Variants in CCNK observed in about 807,000 individuals in gnomAD.
The protein encoded by CCNK is cyclin-K.
In CCNK, 9 loss-of-function variants were observed where a neutral mutation model predicts 65.0. That is an observed-to-expected ratio of 0.14 (90% CI 0.08 to 0.24). The LOEUF (loss-of-function observed/expected upper bound fraction) is 0.24, where lower values mean the gene tolerates loss of function less well. Ranked by LOEUF, CCNK falls within the 10% of genes least tolerant of loss-of-function variation. CCNK has a pLI of 1.00. For synonymous variants in CCNK, 279 were observed against 270.8 expected (o/e 1.03, Z -0.30); for missense variants, 474 against 720.0 (o/e 0.66, Z 3.91).
Position 99,510,542 on chromosome 14 carries a change from C to T in CCNK, c.1503C>T (p.Pro501=), listed in dbSNP as rs1175142398. The change falls in exon 11 of 11, where the codon CCC becomes CCT. Residue 501 remains proline (P), a synonymous_variant. Transcript: ENST00000389879. ...PASFPPPAIP[P]PTPGYPPPPP... is the part of the protein sequence containing the mutation. Reference sequence around the variant, plus strand: ...CCTTCCCCCCACCTGCCATCCCACCCCCTACTCCTGGCTACCCCCCACCCC... The same window carrying T: ...CCTTCCCCCCACCTGCCATCCCACCTCCTACTCCTGGCTACCCCCCACCCC... 4 of 447,834 alleles carry T rather than the reference C, an allele frequency of 8.9e-6. No homozygotes were observed. The Admixed American group carries it at 9.1e-5, about 10-fold the overall frequency. The allele number at this position is 447,834 out of a possible 1,614,324, so 27.7% of individuals were successfully genotyped here. A position where few individuals can be genotyped will look rare whatever the true frequency, so the allele number is the denominator to read the frequency against.
At chr14:99,503,965 G>A in intron 9 of CCNK, 1 of 362,736 alleles carries the variant, frequency 2.8e-6, no homozygotes, top group Non-Finnish European at 5.2e-6. Flanking sequence ...CCCCATCACA[G>A]CAGCAGGAGT....
chr14:99,511,582 G>A lies in CCNK; in HGVS notation c.*800G>A, dbSNP rs1179589976. 2.6e-5 allele frequency: 4 copies of A among 152,464 alleles called. No individual in the cohort carries two copies. The highest frequency in any genetic ancestry group is 9.7e-5 in the African/African-American group (4 of 41,438). 9.4% of individuals were successfully genotyped at this position (152,464 alleles called of 1,614,324 possible). ...TCGCAGTCTGTGGCTTATAAAATGTGCAGAGGCCCTCCTTCCAGACCCTGG... is the reference window on the plus strand; with the variant it reads ...TCGCAGTCTGTGGCTTATAAAATGTACAGAGGCCCTCCTTCCAGACCCTGG... On this transcript the variant is annotated 3_prime_UTR_variant, in exon 11 of 11. Transcript: ENST00000389879.
chr14:99,505,645 C>G (rs1896955755), intron 9 of CCNK: 1 of 152,162 alleles, frequency 6.6e-6, no homozygotes, highest in Non-Finnish European at 1.5e-5. Context: ...GCTTTGAGCC[C>G]AGGAGTTCCA....
intron 4 of CCNK, among the ~76,000 whole-genome samples, chr14:99,499,715 C>T (rs1896779762): frequency 6.6e-6 from 1 of 152,166 alleles, no homozygotes; most frequent in African/African-American, 2.4e-5. Flanking sequence ...TCAAAGAGGA[C>T]ATTCCATTAA....
At chr14:99,509,295 G>A (rs1404732970) in intron 10 of CCNK, 1 of 152,312 alleles carries the variant, frequency 6.6e-6, no homozygotes, top group Non-Finnish European at 1.5e-5. Flanking sequence ...GGCTACCTGT[G>A]GTGGGGTGTT....
At chr14:99,507,175 A>G (rs780803236) in intron 10 of CCNK, 28 bp downstream of exon 10, 2 of 1,367,860 alleles carry the variant, frequency 1.5e-6, no homozygotes, top group South Asian at 1.2e-5. Flanking sequence ...CAGCTTGGCC[A>G]GCTGTGCACA....
Position 99,481,494 on chromosome 14 carries a change from G to T in CCNK, c.-53+15G>T. On this transcript the variant is annotated intron_variant, in intron 1 of 10. Transcript: ENST00000389879. The stretch of plus-strand genomic sequence containing the variant: ...TGAAGCGAGGGGTGAGTGACCCACC[G>T]ACTGAGGGCAGCGCCGCCCACCTCC... The T allele has an allele frequency of 2.5e-6, 1 of 398,642 alleles. No homozygotes were observed. Among genetic ancestry groups the T allele is most frequent in the South Asian group, 1.3e-4 (1 of 7,822 alleles). 24.7% of individuals were successfully genotyped at this position (398,642 alleles called of 1,614,324 possible).
rs3918125 is a variant in CCNK at position 99,510,881 on chromosome 14, A to T, written c.*99A>T. 3.5e-3 allele frequency: 3,738 copies of T among 1,053,590 alleles called. 106 individuals are homozygous for T. The African/African-American group carries it at 0.055, about 16-fold the overall frequency. The allele number at this position is 1,053,590 out of a possible 1,614,324, so 65.3% of individuals were successfully genotyped here. ...AGCAGCAGGGTACCTTGTATAATGC[A>T]CGACAGTTGCAGTATGGGAAGAATG... is the stretch of plus-strand genomic sequence containing the variant. On this transcript the variant is annotated 3_prime_UTR_variant, in exon 11 of 11. Coordinates refer to ENST00000389879, the MANE Select transcript of CCNK (RefSeq NM_001099402.2).
In CCNK at chr14:99,492,703, G is replaced by C. The variant is rs1475416350; in HGVS notation, c.26G>C (p.Ser9Thr). 6.2e-7 allele frequency: 1 copy of C among 1,607,728 alleles called. No individual in the cohort carries two copies. Among genetic ancestry groups the C allele is most frequent in the Non-Finnish European group, 8.5e-7 (1 of 1,178,292 alleles). MKENKENSSPSVTSANLDH... is the reference protein window; with the variant it reads MKENKENSTPSVTSANLDH... ...ATGAAGGAGAATAAAGAAAATTCAA[G>C]CCCTTCAGTAACTTCAGCAAACCTG... Residue 9 changes from serine to threonine, a missense_variant, in exon 2 of 11, where the codon AGC becomes ACC. Around this residue, in one of 6 missense-constraint regions of CCNK, gnomAD observed 87 missense variants for 166.2 expected, o/e 0.52. Coordinates refer to ENST00000389879, the MANE Select transcript of CCNK (RefSeq NM_001099402.2).
At chr14:99,482,077 G>C (rs536837052) in intron 1 of CCNK, among the ~76,000 whole-genome samples, 3 of 152,308 alleles carry the variant, frequency 2.0e-5, no homozygotes, top group Non-Finnish European at 4.4e-5. Context: ...TAGAAAATTG[G>C]AGCGTAAGTC....
chr14:99,487,428 G>A (rs1171214476), intron 1 of CCNK, among the ~76,000 whole-genome samples: 1 of 152,168 alleles, frequency 6.6e-6, no homozygotes, highest in African/African-American at 2.4e-5. Context: ...CAACCCCCCA[G>A]TTAGGAAAAC....
At position 99,510,770 on chromosome 14, in the gene CCNK, C is replaced by G. The variant is rs760860666; in HGVS notation, c.1731C>G (p.Ala577=). The part of the protein sequence containing the change: ...MPPVGGLGRA[A]WMR ...CAGTTGGGGGGCTGGGGCGGGCAGC[C>G]TGGATGAGATAACGTGAGCCTTTTT... The change falls in exon 11 of 11, where the codon GCC becomes GCG. Residue 577 remains alanine, a synonymous_variant. Transcript: ENST00000389879. 43 of 1,457,318 alleles carry G rather than the reference C, an allele frequency of 3.0e-5. No homozygotes were observed. The highest frequency in any genetic ancestry group is 3.4e-5 in the Non-Finnish European group (38 of 1,106,574). The allele number at this position is 1,457,318 out of a possible 1,614,324, so 90.3% of individuals were successfully genotyped here.
chr14:99,493,471 A>C, intron 2 of CCNK, 43 bp from the exon 3 acceptor site: 3 of 1,249,348 alleles, frequency 2.4e-6, no homozygotes, highest in Non-Finnish European at 3.4e-6. Context: ...TAAGAGTATA[A>C]CCTGTAAAAG....
At chr14:99,482,188 C>T (rs1248161647) in intron 1 of CCNK, among the ~76,000 whole-genome samples, 2 of 152,200 alleles carry the variant, frequency 1.3e-5, no homozygotes, top group East Asian at 1.9e-4. Context: ...TTCGCTAAGT[C>T]ATCTGAGGTT....
intron 1 of CCNK, 175 bp from the exon 2 acceptor site, chr14:99,492,451 G>A: frequency 2.0e-6 from 1 of 497,440 alleles, no homozygotes; most frequent in Non-Finnish European, 3.5e-6. Flanking sequence ...TAGTACTGGG[G>A]TCATCTTACA....
At chr14:99,501,709 T>C (rs2068307880) in intron 6 of CCNK, 1 of 355,110 alleles carries the variant, frequency 2.8e-6, no homozygotes, top group African/African-American at 2.1e-5. Context: ...TTAGAGCCCA[T>C]TTGGTTTTGC....
chr14:99,504,080 G>T, intron 9 of CCNK: 1 of 386,074 alleles, frequency 2.6e-6, no homozygotes, highest in Non-Finnish European at 5.2e-6. Context: ...TTGCAGGCAA[G>T]GCCTCTTTGA....
At chr14:99,500,966 A>G in intron 5 of CCNK, 95 bp downstream of exon 5, 1 of 787,548 alleles carries the variant, frequency 1.3e-6, no homozygotes, top group Non-Finnish European at 2.1e-6. Flanking sequence ...AGCGGAAAAC[A>G]AAGTTTGATG....
chr14:99,494,788 T>C (rs966000795), intron 3 of CCNK: 4 of 152,310 alleles, frequency 2.6e-5, no homozygotes, highest in Middle Eastern at 3.1e-3. Context: ...TTCACAGTTG[T>C]AGAGACTGGG....
Sources: gnomAD v4.1 joint callset for allele counts (sites outside exome capture counted in the v4.1 genomes callset) on GRCh38, gnomAD v4.1.1 for gene constraint, gnomAD v4.1.1 regional missense constraint, MANE v1.5 for transcripts, NCBI Gene and HGNC (gene_info 2026-07-23, HGNC 2026-07-21) for gene names.